The following CNTN1 variants were observed in gnomAD, a reference collection of about 807,000 sequenced individuals.
CNTN1 encodes the protein contactin 1.
CNTN1 carries 38 observed loss-of-function variants against 126.4 expected under a neutral mutation model. The observed-to-expected ratio is 0.30, with a 90% CI of 0.23 to 0.39. The LOEUF is 0.39. CNTN1 is among the 10% of genes least tolerant of loss of function. CNTN1 has a pLI of 1.00. For missense variants in CNTN1, 1,009 were observed against 1,248.4 expected (o/e 0.81, Z 2.89); for synonymous variants, 413 against 422.6 (o/e 0.98, Z 0.28).
chr12:40,776,817 C>T (rs761005240), intron 1 of CNTN1, among the ~76,000 whole-genome samples: 37 of 151,792 alleles, frequency 2.4e-4, no homozygotes, highest in African/African-American at 4.6e-4. Context: ...ATCAAGTAGG[C>T]GACACACTTA....
intron 1 of CNTN1, among the ~76,000 whole-genome samples, chr12:40,835,799 TACACAC>T (rs10556497): frequency 0.028 from 3,935 of 142,474 alleles, 53 homozygotes; most frequent in Non-Finnish European, 0.036. Flanking sequence ...ATGCTATTTA[TACACAC>T]ACACACACAC....
chr12:40,898,280 C>CTT (rs1944485907), intron 1 of CNTN1, among the ~76,000 whole-genome samples: 1 of 152,076 alleles, frequency 6.6e-6, no homozygotes, highest in Non-Finnish European at 1.5e-5. Context: ...GCTACTGCTA[C>CTT]AATATGTCTG....
intron 16 of CNTN1, among the ~76,000 whole-genome samples, chr12:40,987,968 T>G (rs1286787128): frequency 6.6e-6 from 1 of 152,096 alleles, no homozygotes; most frequent in East Asian, 1.9e-4. Context: ...TTTCTTCAGT[T>G]TTTGTAGTTC....
chr12:41,016,374 G>A (rs943816956), intron 18 of CNTN1, among the ~76,000 whole-genome samples: 2 of 152,116 alleles, frequency 1.3e-5, no homozygotes, highest in Admixed American at 1.3e-4. Flanking sequence ...TTTACCTCGG[G>A]AAAGTGAGGG....
Position 40,995,054 on chromosome 12 carries a change from G to A in CNTN1, c.2113+1785G>A, listed in dbSNP as rs1219899619. Among the ~76,000 whole-genome samples the A allele has an allele frequency of 2.0e-5, 3 of 151,960 alleles. No individual in the cohort carries two copies. The East Asian group carries it at 5.8e-4, about 29-fold the overall frequency. ...TACCTATGTCAAAATGTTATTATGA[G>A]GATTAAATGAAATGGATGTGAAAAT... On this transcript the variant is annotated intron_variant, in intron 17 of 23. Transcript: ENST00000551295.
intron 15 of CNTN1, among the ~76,000 whole-genome samples, chr12:40,980,285 T>C (rs1012205741): frequency 2.0e-5 from 3 of 151,792 alleles, no homozygotes; most frequent in Non-Finnish European, 2.9e-5. Context: ...AGTACACACA[T>C]GCACACAAAA....
chr12:40,763,588 G>C (rs901188970), intron 1 of CNTN1, among the ~76,000 whole-genome samples: 2 of 152,090 alleles, frequency 1.3e-5, no homozygotes, highest in African/African-American at 4.8e-5. Flanking sequence ...GAAAGAAAAT[G>C]AAAGGAAGGT....
rs570213632 is a variant in CNTN1 at position 40,903,310 on chromosome 12, C to T, written c.-76-5047C>T. ...AACAGGAATGCACCCCCAGTTCCTGCTTCTGGTCCTTCTGTTATTTCAGTT... is the reference window on the plus strand; with the variant it reads ...AACAGGAATGCACCCCCAGTTCCTGTTTCTGGTCCTTCTGTTATTTCAGTT... On this transcript the variant is annotated intron_variant, in intron 1 of 23. Transcript: ENST00000551295. 7.9e-5 allele frequency among the ~76,000 whole-genome samples: 12 copies of T among 151,630 alleles called. No individual in the cohort carries two copies. In the South Asian group the frequency reaches 2.3e-3, roughly 29 times the overall value.
At chr12:41,026,995 G>A (rs1311150014) in intron 21 of CNTN1, among the ~76,000 whole-genome samples, 3 of 152,142 alleles carry the variant, frequency 2.0e-5, no homozygotes, top group African/African-American at 7.2e-5. Flanking sequence ...TGAGTGGGAT[G>A]AGAGACTAAA....
At chr12:41,045,033 T>C (rs186983824) in intron 23 of CNTN1, among the ~76,000 whole-genome samples, 1 of 152,164 alleles carries the variant, frequency 6.6e-6, no homozygotes, top group East Asian at 1.9e-4. Flanking sequence ...TTTTAATTAT[T>C]GGTAAGCCTA....
intron 1 of CNTN1, among the ~76,000 whole-genome samples, chr12:40,737,248 C>G (rs761393011): frequency 1.7e-4 from 25 of 149,128 alleles, no homozygotes; most frequent in Non-Finnish European, 3.6e-4. Flanking sequence ...TTGTATTAGT[C>G]AGGGTTCTCT....
At chr12:40,975,001 T>C (rs943960663) in intron 15 of CNTN1, among the ~76,000 whole-genome samples, 10 of 151,898 alleles carry the variant, frequency 6.6e-5, no homozygotes, top group African/African-American at 1.9e-4. Context: ...TGGAAGTCTT[T>C]TGCAGACAGG....
chr12:40,919,663 C>G (rs1415902333), intron 4 of CNTN1, among the ~76,000 whole-genome samples: 2 of 152,046 alleles, frequency 1.3e-5, no homozygotes, highest in Non-Finnish European at 2.9e-5. Flanking sequence ...TATCCCTTTC[C>G]ACCCATTTGA....
At chr12:40,696,968 C>T (rs1382957563) in intron 1 of CNTN1, among the ~76,000 whole-genome samples, 1 of 151,940 alleles carries the variant, frequency 6.6e-6, no homozygotes, top group Non-Finnish European at 1.5e-5. Context: ...CTTAATATAC[C>T]ATAAACATTT....
intron 6 of CNTN1, among the ~76,000 whole-genome samples, chr12:40,928,423 A>G (rs1480779025): frequency 6.6e-6 from 1 of 152,020 alleles, no homozygotes; most frequent in Non-Finnish European, 1.5e-5. Context: ...TTATCCTGTG[A>G]CCCTAAATCA....
intron 1 of CNTN1, among the ~76,000 whole-genome samples, chr12:40,754,042 A>AT (rs1158866015): frequency 1.3e-5 from 2 of 152,096 alleles, no homozygotes; most frequent in African/African-American, 4.8e-5. Context: ...TTATCAGTTG[A>AT]TATTCCACCA....
At position 40,929,843 on chromosome 12, in the gene CNTN1, A is replaced by T; in HGVS notation, c.544A>T (p.Thr182Ser). Residue 182 changes from threonine to serine, a missense_variant, in exon 7 of 24, where the codon ACA (threonine) becomes TCA (serine). Coordinates refer to ENST00000551295, the MANE Select transcript of CNTN1 (RefSeq NM_001843.4). ...TCTAAATGAATTTCCTGTATTTATCACAATGGATAAACGGCGATTTGTGTC... is the reference window on the plus strand; with the variant it reads ...TCTAAATGAATTTCCTGTATTTATCTCAATGGATAAACGGCGATTTGTGTC... ...WLLNEFPVFITMDKRRFVSQT... is the reference protein window; with the variant it reads ...WLLNEFPVFISMDKRRFVSQT... 6.2e-7 allele frequency: 1 copy of T among 1,612,536 alleles called. No homozygotes were observed. Among genetic ancestry groups the T allele is most frequent in the Non-Finnish European group, 8.5e-7 (1 of 1,178,952 alleles).
intron 1 of CNTN1, among the ~76,000 whole-genome samples, chr12:40,803,563 G>T (rs1940732412): frequency 6.6e-6 from 1 of 151,950 alleles, no homozygotes; most frequent in African/African-American, 2.4e-5. Context: ...TTATTTTGAT[G>T]CAAAAATAAT....
intron 16 of CNTN1, among the ~76,000 whole-genome samples, chr12:40,984,575 A>G (rs942286285): frequency 3.3e-5 from 5 of 152,164 alleles, no homozygotes; most frequent in Non-Finnish European, 5.9e-5. Flanking sequence ...GCAAGAACTC[A>G]CTCATTATTG....
Sources: gnomAD v4.1 joint callset for allele counts (sites outside exome capture counted in the v4.1 genomes callset) on GRCh38, gnomAD v4.1.1 for gene constraint, MANE v1.5 for transcripts, NCBI Gene and HGNC (gene_info 2026-07-23, HGNC 2026-07-21) for gene names.